CIT: variants seen among roughly 807,000 people sequenced by gnomAD.
CIT encodes citron Rho-interacting kinase.
A neutral mutation model predicts 272.7 loss-of-function variants in CIT; 79 were observed. That is an observed-to-expected ratio of 0.29 (90% CI 0.24 to 0.35). The LOEUF (loss-of-function observed/expected upper bound fraction) is 0.35. Ranked by LOEUF, CIT falls within the 10% of genes least tolerant of loss-of-function variation. The probability of loss-of-function intolerance (pLI) is 1.00; values close to 1 mark genes in which losing one functional copy is unlikely to be tolerated. For missense variants in CIT, 1,909 were observed against 2,618.3 expected, an observed-to-expected ratio of 0.73 and a Z score of 5.91; for synonymous variants, 948 against 995.6, an observed-to-expected ratio of 0.95 and a Z score of 0.90.
intron 4 of CIT, among the ~76,000 whole-genome samples, chr12:119,850,533 G>C (rs1469149026): frequency 6.6e-6 from 1 of 151,864 alleles, no homozygotes; most frequent in African/African-American, 2.4e-5. Context: ...GGAAGGGAAA[G>C]GGAAGGGGCT....
At chr12:119,699,861 T>C (rs986384548) in intron 44 of CIT, 3 of 455,862 alleles carry the variant, frequency 6.6e-6, no homozygotes, top group African/African-American at 6.0e-5. Context: ...CCTCGAAGGG[T>C]ATCTGGGCCA....
Position 119,690,382 on chromosome 12 carries a change from C to A in CIT, c.5955G>T (p.Pro1985=), listed in dbSNP as rs139121341. 9.7e-4 allele frequency: 1,545 copies of A among 1,596,536 alleles called. 9 individuals carry two copies. In the African/African-American group the frequency reaches 0.017, roughly 18 times the overall value. ...ITKRVASSPA[P]PEGPSHPREP... ...CTCGCGGGTGGCTGGGGCCTTCGGG[C>A]GGCGCTGGGCTGGAGGCCACGCGCT... The change falls in exon 47 of 48, where the codon CCG becomes CCT. Residue 1985 remains proline (P), a synonymous_variant. Transcript: ENST00000392521. This position sits in a 1 kb window ranked among gnomAD's most constrained non-coding sequence, Gnocchi z 6.0.
In CIT at chr12:119,734,356, G is replaced by A. The variant is rs1295216069; in HGVS notation, c.3158C>T (p.Thr1053Met). 12 of 1,612,450 alleles carry A rather than the reference G, an allele frequency of 7.4e-6. No individual in the cohort carries two copies. The highest frequency in any genetic ancestry group is 1.3e-5 in the African/African-American group (1 of 74,978). ...REMQLTSQKQ[T>M]MEALKTTCTM... ...GCACGTGGTCTTCAGAGCCTCCATC[G>A]TCTGCAAATCAGTAGCACTGATTTG... The change falls in exon 26 of 48, where the codon ACG becomes ATG. Residue 1053 changes from threonine (T) to methionine (M), a missense_variant and splice_region_variant. Coordinates refer to ENST00000392521, the MANE Select transcript of CIT (RefSeq NM_001206999.2).
intron 44 of CIT, among the ~76,000 whole-genome samples, chr12:119,699,268 AAAAAAAAAGACTGGGTTCTATTTT>A (rs1410691882): frequency 3.3e-5 from 5 of 151,914 alleles, no homozygotes; most frequent in South Asian, 2.1e-4. Flanking sequence ...AAAAAAAAAA[AAAAAAAAAGACTGGGTTCTATTTT>A]AAAAAAAAGA....
At chr12:119,689,972 C>A (rs1212937998) in intron 47 of CIT, among the ~76,000 whole-genome samples, 179 bp downstream of exon 47, 5 of 152,216 alleles carry the variant, frequency 3.3e-5, no homozygotes, top group Non-Finnish European at 7.3e-5. Context: ...AGCCACCACG[C>A]CCGGCCAGGA....
chr12:119,703,129 T>G (rs1311676127), intron 41 of CIT, among the ~76,000 whole-genome samples: 1 of 151,956 alleles, frequency 6.6e-6, no homozygotes, highest in Non-Finnish European at 1.5e-5. Flanking sequence ...TGGGAAAACT[T>G]TGAGGAAGCA....
At chr12:119,775,967 A>C in intron 15 of CIT, 128 bp from the exon 16 acceptor site, 1 of 689,442 alleles carries the variant, frequency 1.5e-6, no homozygotes. Context: ...GAACCTATTA[A>C]GGGAGAGGAA....
chr12:119,703,231 C>T (rs111828307), intron 41 of CIT, among the ~76,000 whole-genome samples: 2,734 of 152,200 alleles, frequency 0.018, 86 homozygotes, highest in African/African-American at 0.062. Flanking sequence ...AGTTGTCTTA[C>T]CTGAAAATTG....
Position 119,804,189 on chromosome 12 carries a change from G to C in CIT, c.1112-800C>G. 1 of 985,500 alleles carries C rather than the reference G, an allele frequency of 1.0e-6. No homozygotes were observed. Among genetic ancestry groups the C allele is most frequent in the Non-Finnish European group, 1.2e-6 (1 of 830,036 alleles). The allele number at this position is 985,500 out of a possible 1,614,324, so 61.0% of individuals were successfully genotyped here. On this transcript the variant is annotated intron_variant, in intron 9 of 47. Transcript: ENST00000392521. This position sits in a 1 kb window ranked among gnomAD's most constrained non-coding sequence, Gnocchi z 5.3. The stretch of plus-strand genomic sequence containing the variant: ...TCCTCAGGGCTTCACTCCCGGCTGG[G>C]GGCGTGTTACATCCTCTCCACTTCC...
In CIT at chr12:119,834,071, C is replaced by T; in HGVS notation, c.659+15G>A. On this transcript the variant is annotated intron_variant, in intron 6 of 47. Transcript: ENST00000392521. ...AAAATCCTCAGCATAAAAATGCTACCAGAGTCTCACTTACCGATGCACGTA... is the reference window on the plus strand; with the variant it reads ...AAAATCCTCAGCATAAAAATGCTACTAGAGTCTCACTTACCGATGCACGTA... The T allele has an allele frequency of 6.3e-7, 1 of 1,594,104 alleles. No homozygotes were observed. Among genetic ancestry groups the T allele is most frequent in the Non-Finnish European group, 8.5e-7 (1 of 1,172,754 alleles).
At chr12:119,733,107 G>A (rs1042942276) in intron 26 of CIT, among the ~76,000 whole-genome samples, 3 of 152,092 alleles carry the variant, frequency 2.0e-5, no homozygotes, top group Admixed American at 6.5e-5. Flanking sequence ...TATGGAGTAT[G>A]CAATTGTGCC....
chr12:119,734,441 A>G, intron 25 of CIT, 84 bp from the exon 26 acceptor site: 1 of 1,420,378 alleles, frequency 7.0e-7, no homozygotes, highest in South Asian at 1.2e-5. Flanking sequence ...GTTTCAGAAA[A>G]GCACAAGTTT....
rs534067464 is a variant in CIT, at chr12:119,835,010, C to T, written c.517-782G>A. On this transcript the variant is annotated intron_variant, in intron 5 of 47. Coordinates refer to ENST00000392521, the MANE Select transcript of CIT (RefSeq NM_001206999.2). ...AATCTTGTAAAGAATAAAGTACAAC[C>T]CCTTTTTTGAAATAAACAAGGAATT... Among the ~76,000 whole-genome samples the T allele has an allele frequency of 6.6e-5, 10 of 152,222 alleles. No individual in the cohort carries two copies. The East Asian group carries it at 1.9e-3, about 29-fold the overall frequency.
At chr12:119,772,690 T>G (rs1963300029) in intron 17 of CIT, 80 bp downstream of exon 17, 1 of 1,425,912 alleles carries the variant, frequency 7.0e-7, no homozygotes, top group Non-Finnish European at 9.3e-7. Context: ...CATAAGCAAG[T>G]GATGGTCTGG....
Position 119,808,349 on chromosome 12 carries a change from TG to T in CIT, c.1112-4961del, listed in dbSNP as rs1476009156. Among the ~76,000 whole-genome samples the T allele has an allele frequency of 3.3e-5, 5 of 152,236 alleles. No homozygotes were observed. The East Asian group carries it at 9.6e-4, about 29-fold the overall frequency. The stretch of plus-strand genomic sequence containing the variant: ...ACTAACACCTCAAACAATACCTGGC[TG>T]TCCTTATTTAATGTTTAATATCTAT... On this transcript the variant is annotated intron_variant, in intron 9 of 47. Coordinates refer to ENST00000392521, the MANE Select transcript of CIT (RefSeq NM_001206999.2).
At chr12:119,767,365 T>TC (rs1282116802) in intron 18 of CIT, among the ~76,000 whole-genome samples, 183 bp from the exon 19 acceptor site, 4 of 152,202 alleles carry the variant, frequency 2.6e-5, no homozygotes, top group African/African-American at 9.7e-5. Context: ...GTTTTCCAAG[T>TC]CCAAGTATTC....
At chr12:119,836,953 T>A (rs993060708) in intron 5 of CIT, among the ~76,000 whole-genome samples, 1 of 152,174 alleles carries the variant, frequency 6.6e-6, no homozygotes, top group Admixed American at 6.5e-5. Flanking sequence ...CCCTCCCAAG[T>A]CAGATCAGTC....
rs150079566 is a variant in CIT, at chr12:119,838,051, G to A, written c.517-3823C>T. Among the ~76,000 whole-genome samples, 546 of 152,168 alleles carry A rather than the reference G, an allele frequency of 3.6e-3. 2 individuals carry two copies. The highest frequency in any genetic ancestry group is 0.027 in the Middle Eastern group (8 of 294). On this transcript the variant is annotated intron_variant, in intron 5 of 47. Coordinates refer to ENST00000392521, the MANE Select transcript of CIT (RefSeq NM_001206999.2). ...CCCGACTCCATAAAGCTGACGTTCC[G>A]GTATAATGAAAAAGAGTTTTGTTTT...
chr12:119,716,872 G>A (rs1262400214), intron 32 of CIT, among the ~76,000 whole-genome samples: 1 of 152,226 alleles, frequency 6.6e-6, no homozygotes, highest in African/African-American at 2.4e-5. Flanking sequence ...CTTAACAGGT[G>A]AATTGCATGC....
Sources: allele counts gnomAD v4.1 joint callset (sites outside exome capture counted in the v4.1 genomes callset), GRCh38; gene constraint gnomAD v4.1.1; non-coding constraint Gnocchi (gnomAD v3.1); transcripts MANE v1.5; gene names NCBI Gene and HGNC (gene_info 2026-07-23, HGNC 2026-07-21).